MGAT4B: variants seen among roughly 807,000 people sequenced by gnomAD.
MGAT4B encodes alpha-1,3-mannosyl-glycoprotein 4-beta-N-acetylglucosaminyltransferase B.
MGAT4B carries 38 observed loss-of-function variants against 73.9 expected under a neutral mutation model. The ratio of observed to expected loss-of-function variants is 0.51; its 90% confidence interval spans 0.40 to 0.67. The LOEUF is 0.67. Among genes scored for constraint, MGAT4B ranks in the 30% least tolerant of loss-of-function variants. MGAT4B has a pLI of 0.00. For missense variants in MGAT4B, 686 were observed against 735.2 expected (o/e 0.93, Z 0.77); for synonymous variants, 373 against 313.5 (o/e 1.19, Z -2.01).
chr5:179,797,651 A>T lies in MGAT4B; in HGVS notation c.*394T>A, dbSNP rs1756700805. On this transcript the variant is annotated 3_prime_UTR_variant, in exon 15 of 15. Transcript: ENST00000292591. ...TTACAAGTCACGCTCTTATAGAAGT[A>T]TATGTGGACTTACGTGAAAAAATCA... 1 of 186,298 alleles carries T rather than the reference A, an allele frequency of 5.4e-6. No homozygotes were observed. The highest frequency in any genetic ancestry group is 5.9e-5 in the Admixed American group (1 of 16,878). The allele number at this position is 186,298 out of a possible 1,614,324, so 11.5% of individuals were successfully genotyped here.
chr5:179,805,659 G>A (rs1485666377), intron 1 of MGAT4B, among the ~76,000 whole-genome samples: 1 of 152,260 alleles, frequency 6.6e-6, no homozygotes, highest in Non-Finnish European at 1.5e-5. Context: ...GGGAAACAGG[G>A]AAGCAGGTGG....
chr5:179,802,212 T>C (rs1371585405), intron 1 of MGAT4B: 2 of 1,470,336 alleles, frequency 1.4e-6, no homozygotes, highest in Non-Finnish European at 1.8e-6. Flanking sequence ...GGGGTTATTT[T>C]ATCCTCTGAG....
At chr5:179,804,809 C>T (rs1393542521) in intron 1 of MGAT4B, 8 of 152,282 alleles carry the variant, frequency 5.3e-5, no homozygotes, top group African/African-American at 1.9e-4. Context: ...CATGTGACAA[C>T]GAGATGGGTT....
intron 8 of MGAT4B, 151 bp downstream of exon 8, chr5:179,799,803 G>C: frequency 8.0e-7 from 1 of 1,246,730 alleles, no homozygotes. Context: ...TGATGCACAG[G>C]CAATGAGAAC....
intron 1 of MGAT4B, 178 bp from the exon 2 acceptor site, chr5:179,802,147 G>A: frequency 6.6e-7 from 1 of 1,512,036 alleles, no homozygotes; most frequent in Non-Finnish European, 8.8e-7. Context: ...TGACACTAAT[G>A]CTCATGGGGA....
chr5:179,804,272 G>C (rs908031645), intron 1 of MGAT4B, among the ~76,000 whole-genome samples: 1 of 152,220 alleles, frequency 6.6e-6, no homozygotes, highest in East Asian at 1.9e-4. Flanking sequence ...GCCCGTTAAC[G>C]GTCTGCTGTC....
rs746710041 is a variant in MGAT4B, at chr5:179,801,668, C to A, written c.310G>T (p.Gly104Cys). ...AGGTGCAGCACGTGCCGGTGTGAGC[C>A]GTTCCACGGCTTCAATCGGGGGTCC... ...TEDPRLKPWNGSHRHVLHLPT... is the reference protein window; with the variant it reads ...TEDPRLKPWNCSHRHVLHLPT... Residue 104 changes from glycine to cysteine, a missense_variant, in exon 3 of 15, where the codon GGC becomes TGC. Around this residue, in one of 2 missense-constraint regions of MGAT4B, gnomAD observed 237 missense variants for 198.5 expected, o/e 1.19. Transcript: ENST00000292591. This position sits in a 1 kb window ranked among gnomAD's most constrained non-coding sequence, Gnocchi z 4.8. The A allele has an allele frequency of 1.9e-6, 3 of 1,607,698 alleles. No homozygotes were observed. Among genetic ancestry groups the A allele is most frequent in the Admixed American group, 3.4e-5 (2 of 59,082 alleles).
rs766595983 is a variant in MGAT4B, at chr5:179,800,908, A to G, written c.604T>C (p.Leu202=). The change falls in exon 5 of 15, where the codon TTG becomes CTG. Residue 202 remains leucine, a splice_region_variant and synonymous_variant. Transcript: ENST00000292591. ...TSAVTENIKA[L]FPTEIHSGLL... is the part of the protein sequence containing the mutation. ...CTCTCTGGGGTCGCCAGTACTCACA[A>G]GGCCTTGATGTTCTCTGTCACTGCC... 3.7e-6 allele frequency: 6 copies of G among 1,613,520 alleles called. No homozygotes were observed. The African/African-American group carries it at 8.0e-5, about 22-fold the overall frequency.
At chr5:179,799,689 C>G in intron 8 of MGAT4B, 53 bp from the exon 9 acceptor site, 1 of 1,609,202 alleles carries the variant, frequency 6.2e-7, no homozygotes, top group South Asian at 1.1e-5. Flanking sequence ...TTCCTTTCTC[C>G]CTGCAGCGGC....
chr5:179,800,811 G>A, intron 5 of MGAT4B, 96 bp downstream of exon 5: 2 of 1,378,912 alleles, frequency 1.5e-6, no homozygotes, highest in Non-Finnish European at 2.0e-6. Context: ...CACGAGATAG[G>A]AAAGGCACTA....
chr5:179,799,166 T>C (rs753180944), intron 10 of MGAT4B, 37 bp downstream of exon 10: 14 of 1,613,864 alleles, frequency 8.7e-6, no homozygotes, highest in African/African-American at 1.3e-5. Context: ...GCCCCGACCT[T>C]GATCCCGGCC....
chr5:179,802,106 T>G lies in MGAT4B; in HGVS notation c.98-137A>C, dbSNP rs1756973604. On this transcript the variant is annotated intron_variant, in intron 1 of 14. Coordinates refer to ENST00000292591, the MANE Select transcript of MGAT4B (RefSeq NM_014275.5). The stretch of plus-strand genomic sequence containing the variant: ...CATCTGTTCTTGTGCCTGCCACACG[T>G]GACATAGCTGGGGTCACTCTAAAAT... The G allele has an allele frequency of 3.2e-6, 5 of 1,554,048 alleles. No individual in the cohort carries two copies. The African/African-American group carries it at 6.8e-5, about 21-fold the overall frequency.
In MGAT4B at chr5:179,797,911, G is replaced by C. The variant is rs1756718250; in HGVS notation, c.*134C>G. 1 of 1,313,744 alleles carries C rather than the reference G, an allele frequency of 7.6e-7. No individual in the cohort carries two copies. Among genetic ancestry groups the C allele is most frequent in the Non-Finnish European group, 1.1e-6 (1 of 947,880 alleles). 81.4% of individuals were successfully genotyped at this position (1,313,744 alleles called of 1,614,324 possible). On this transcript the variant is annotated 3_prime_UTR_variant, in exon 15 of 15. Transcript: ENST00000292591. Reference sequence around the variant, plus strand: ...GCCTCCGGGCCAGCGGCGGACCCCAGGCCGGCCCAAGCCCGACGCCAGGCA... The same window carrying C: ...GCCTCCGGGCCAGCGGCGGACCCCACGCCGGCCCAAGCCCGACGCCAGGCA...
chr5:179,799,805 A>G (rs568512007), intron 8 of MGAT4B, 149 bp downstream of exon 8: 1 of 1,243,874 alleles, frequency 8.0e-7, no homozygotes, highest in South Asian at 1.3e-5. Flanking sequence ...ATGCACAGGC[A>G]ATGAGAACAG....
chr5:179,802,202 G>T, intron 1 of MGAT4B: 1 of 1,480,742 alleles, frequency 6.8e-7, no homozygotes, highest in Non-Finnish European at 8.9e-7. Context: ...TCCCCCACCG[G>T]GGGTTATTTT....
Position 179,806,550 on chromosome 5 carries a change from G to A in MGAT4B, c.34C>T (p.Leu12=), listed in dbSNP as rs1437963770. ...RLRNGTFLTL[L]LFCLCAFLSL... ...AGGAAGGCGCACAGGCAGAAGAGCA[G>A]CAGCGTCAGGAAGGTGCCATTGCGG... The change falls in exon 1 of 15, where the codon CTG becomes TTG. Residue 12 remains leucine, a synonymous_variant. Transcript: ENST00000292591. The surrounding 1 kb of genome is among the most constrained non-coding windows in gnomAD (Gnocchi z 4.6). 1.5e-6 allele frequency: 2 copies of A among 1,325,920 alleles called. No individual in the cohort carries two copies. The highest frequency in any genetic ancestry group is 2.0e-6 in the Non-Finnish European group (2 of 1,011,878). 82.1% of individuals were successfully genotyped at this position (1,325,920 alleles called of 1,614,324 possible).
At chr5:179,802,050 C>A (rs1472376313) in intron 1 of MGAT4B, 81 bp from the exon 2 acceptor site, 1 of 1,608,324 alleles carries the variant, frequency 6.2e-7, no homozygotes, top group Admixed American at 1.7e-5. Flanking sequence ...GCGCACACAT[C>A]TGGGTGTCCA....
At chr5:179,803,045 G>C (rs1017312987) in intron 1 of MGAT4B, 1 of 985,384 alleles carries the variant, frequency 1.0e-6, no homozygotes, top group African/African-American at 1.7e-5. Context: ...GCATGATCAA[G>C]GTCATGATCA....
At chr5:179,803,668 T>TG (rs1348476070) in intron 1 of MGAT4B, 1 of 152,232 alleles carries the variant, frequency 6.6e-6, no homozygotes, top group East Asian at 1.9e-4. Context: ...TGGTGGGTGA[T>TG]GCTGCCTGAA....
Sources: gnomAD v4.1 joint callset for allele counts (sites outside exome capture counted in the v4.1 genomes callset) on GRCh38, gnomAD v4.1.1 for gene constraint, gnomAD v4.1.1 regional missense constraint, Gnocchi (gnomAD v3.1) non-coding constraint, MANE v1.5 for transcripts, NCBI Gene and HGNC (gene_info 2026-07-23, HGNC 2026-07-21) for gene names.